Variants in SNX29 observed in about 807,000 individuals in gnomAD.
SNX29 encodes the protein sorting nexin 29, also known as sorting nexin-29.
SNX29 carries 78 observed loss-of-function variants against 102.1 expected under a neutral mutation model. The observed-to-expected ratio is 0.76, with a 90% CI of 0.64 to 0.92. The LOEUF (loss-of-function observed/expected upper bound fraction) is 0.92, where lower values mean the gene tolerates loss of function less well. Among genes scored for constraint, SNX29 ranks in the 40% least tolerant of loss-of-function variants. The pLI is 0.00. For missense variants in SNX29, 1,280 were observed against 1,061.7 expected, an observed-to-expected ratio of 1.21 and a Z score of -2.86; for synonymous variants, 580 against 414.5, an observed-to-expected ratio of 1.40 and a Z score of -4.85.
chr16:12,185,470 C>A (rs1004648891), intron 13 of SNX29, among the ~76,000 whole-genome samples: 1 of 152,190 alleles, frequency 6.6e-6, no homozygotes, highest in Non-Finnish European at 1.5e-5. Flanking sequence ...TCTCTGTCTT[C>A]CTCCTACTCG....
intron 14 of SNX29, among the ~76,000 whole-genome samples, chr16:12,262,419 G>A (rs2078802186): frequency 6.6e-6 from 1 of 152,174 alleles, no homozygotes; most frequent in Admixed American, 6.5e-5. Context: ...ATCCCAAAGA[G>A]ATACTTAAGC....
intron 19 of SNX29, among the ~76,000 whole-genome samples, chr16:12,518,021 A>T (rs181627748): frequency 6.6e-6 from 1 of 152,180 alleles, no homozygotes; most frequent in Admixed American, 6.5e-5. Context: ...GGAGAAGGTG[A>T]CGTGAAGAGA....
At chr16:12,112,915 C>T (rs148440606) in intron 11 of SNX29, among the ~76,000 whole-genome samples, 3 of 152,178 alleles carry the variant, frequency 2.0e-5, no homozygotes, top group African/African-American at 4.8e-5. Context: ...AAGAGATCAC[C>T]TCTGCACTGG....
At chr16:12,539,501 G>A (rs1018708812) in intron 20 of SNX29, among the ~76,000 whole-genome samples, 3 of 152,204 alleles carry the variant, frequency 2.0e-5, no homozygotes, top group South Asian at 2.1e-4. Context: ...GAATAAAGTT[G>A]CGTTGGTTCC....
chr16:11,987,985 G>A (rs2055696987), intron 1 of SNX29, among the ~76,000 whole-genome samples: 1 of 152,134 alleles, frequency 6.6e-6, no homozygotes, highest in Admixed American at 6.6e-5. Flanking sequence ...CCAGCATTGG[G>A]GAATTTCACT....
chr16:12,137,906 A>G (rs2054720878), intron 13 of SNX29, among the ~76,000 whole-genome samples: 1 of 152,214 alleles, frequency 6.6e-6, no homozygotes, highest in African/African-American at 2.4e-5. Flanking sequence ...TCCCCAGTTC[A>G]GAACACCTGC....
At chr16:12,274,662 G>A (rs141054247) in intron 14 of SNX29, among the ~76,000 whole-genome samples, 1,530 of 151,830 alleles carry the variant, frequency 0.01, 16 homozygotes, top group Middle Eastern at 0.017. Flanking sequence ...TCAGCCTCCC[G>A]AGTACCTGGG....
chr16:12,286,202 A>C (rs1391471543), intron 15 of SNX29, among the ~76,000 whole-genome samples: 1 of 151,654 alleles, frequency 6.6e-6, no homozygotes, highest in Non-Finnish European at 1.5e-5. Context: ...CTCTTACCTC[A>C]TATAGTTTGA....
At chr16:12,542,237 T>C (rs1481013809) in intron 20 of SNX29, among the ~76,000 whole-genome samples, 1 of 149,188 alleles carries the variant, frequency 6.7e-6, no homozygotes, top group Non-Finnish European at 1.5e-5. Context: ...TAGGACCTAG[T>C]GTTATTCCCT....
chr16:12,364,806 G>A (rs1228134976), intron 16 of SNX29, among the ~76,000 whole-genome samples: 1 of 152,140 alleles, frequency 6.6e-6, no homozygotes, highest in African/African-American at 2.4e-5. Context: ...AGATGGCCTG[G>A]CTTGGTAAGA....
At chr16:12,158,566 C>G (rs1020264402) in intron 13 of SNX29, among the ~76,000 whole-genome samples, 2 of 152,194 alleles carry the variant, frequency 1.3e-5, no homozygotes, top group Non-Finnish European at 2.9e-5. Context: ...ATTTTGTGGT[C>G]CATTTGCCTA....
rs900738699 is a variant in SNX29 at position 11,995,407 on chromosome 16, C to A, written c.8-3890C>A. ...AGCTCATTCAGGGCTAAGTTGGCCA[C>A]AGCTGCCCCTTCTGAGGTCAAGATT... is the stretch of plus-strand genomic sequence containing the variant. On this transcript the variant is annotated intron_variant, in intron 1 of 20. Transcript: ENST00000566228. 5.9e-5 allele frequency among the ~76,000 whole-genome samples: 9 copies of A among 152,174 alleles called. No individual in the cohort carries two copies. The East Asian group carries it at 1.7e-3, about 29-fold the overall frequency.
intron 16 of SNX29, among the ~76,000 whole-genome samples, chr16:12,388,380 C>T (rs1213010930): frequency 6.6e-6 from 1 of 152,226 alleles, no homozygotes; most frequent in Non-Finnish European, 1.5e-5. Context: ...GACATTCCTT[C>T]TCTACCTGGA....
intron 20 of SNX29, among the ~76,000 whole-genome samples, chr16:12,553,819 C>G (rs547320267): frequency 6.6e-6 from 1 of 151,950 alleles, no homozygotes; most frequent in East Asian, 1.9e-4. Context: ...AACTCCTGAC[C>G]TTGTGATCCA....
At chr16:12,346,133 G>A (rs983729913) in intron 15 of SNX29, among the ~76,000 whole-genome samples, 1 of 151,944 alleles carries the variant, frequency 6.6e-6, no homozygotes, top group Non-Finnish European at 1.5e-5. Context: ...GATCATTTGA[G>A]CGTCAGCTGG....
intron 18 of SNX29, among the ~76,000 whole-genome samples, chr16:12,427,000 C>G (rs2085107388): frequency 6.6e-6 from 1 of 152,044 alleles, no homozygotes; most frequent in Admixed American, 6.5e-5. Flanking sequence ...GCTTGGAAAG[C>G]TATTTATTAT....
intron 19 of SNX29, among the ~76,000 whole-genome samples, chr16:12,521,161 CAG>C (rs1203236548): frequency 6.6e-6 from 1 of 152,076 alleles, no homozygotes; most frequent in Non-Finnish European, 1.5e-5. Context: ...CCCTGGGCGA[CAG>C]AGTGAGACAC....
At chr16:11,999,439 A>G (rs2056207312) in intron 2 of SNX29, 81 bp downstream of exon 2, 2 of 1,373,794 alleles carry the variant, frequency 1.5e-6, no homozygotes, top group Admixed American at 1.8e-5. Flanking sequence ...TCCCTATAAC[A>G]TACACAGACT....
chr16:12,054,937 T>G (rs1023591394), intron 8 of SNX29, among the ~76,000 whole-genome samples: 1 of 152,216 alleles, frequency 6.6e-6, no homozygotes, highest in African/African-American at 2.4e-5. Context: ...AAATGAATAT[T>G]TTCACACGCA....
Sources: allele counts gnomAD v4.1 joint callset (sites outside exome capture counted in the v4.1 genomes callset), GRCh38; gene constraint gnomAD v4.1.1; transcripts MANE v1.5; gene names NCBI Gene and HGNC (gene_info 2026-07-23, HGNC 2026-07-21).